The following ROBO1 variants were observed in gnomAD, a reference collection of about 807,000 sequenced individuals.
ROBO1 encodes roundabout homolog 1.
A neutral mutation model predicts 195.9 loss-of-function variants in ROBO1; 149 were observed. The ratio of observed to expected loss-of-function variants is 0.76; its 90% confidence interval spans 0.67 to 0.87. ROBO1 has a LOEUF of 0.87. Among genes scored for constraint, ROBO1 ranks in the 40% least tolerant of loss-of-function variants. The pLI is 0.00. For synonymous variants in ROBO1, 816 were observed against 733.2 expected (o/e 1.11, Z -1.82); for missense variants, 1,933 against 2,068.3 (o/e 0.93, Z 1.27).
intron 2 of ROBO1, among the ~76,000 whole-genome samples, chr3:79,350,631 C>A (rs184701497): frequency 3.9e-4 from 60 of 152,256 alleles, no homozygotes; most frequent in Middle Eastern, 3.4e-3. Flanking sequence ...AGGATGGCTA[C>A]ATGCTACAAC....
chr3:78,608,258 A>T (rs1026607687), intron 28 of ROBO1, among the ~76,000 whole-genome samples: 7 of 151,018 alleles, frequency 4.6e-5, no homozygotes, highest in Non-Finnish European at 1.0e-4. Flanking sequence ...ACTACATGCC[A>T]CCACACCCGA....
intron 2 of ROBO1, among the ~76,000 whole-genome samples, chr3:79,301,484 T>C (rs934788373): frequency 6.6e-6 from 1 of 152,254 alleles, no homozygotes; most frequent in Non-Finnish European, 1.5e-5. Context: ...CCCTTATTTG[T>C]AACAATTTGA....
At chr3:78,858,206 C>A (rs2034570218) in intron 4 of ROBO1, among the ~76,000 whole-genome samples, 2 of 152,094 alleles carry the variant, frequency 1.3e-5, no homozygotes, top group Non-Finnish European at 2.9e-5. Flanking sequence ...CAACCGGGGA[C>A]AGTCATTCCC....
intron 1 of ROBO1, among the ~76,000 whole-genome samples, chr3:79,596,315 A>T (rs1560024256): frequency 6.6e-6 from 1 of 152,076 alleles, no homozygotes; most frequent in African/African-American, 2.4e-5. Context: ...AGAAGAGTAA[A>T]TAATTTATTA....
At chr3:78,851,238 G>C (rs1183511948) in intron 4 of ROBO1, among the ~76,000 whole-genome samples, 1 of 152,134 alleles carries the variant, frequency 6.6e-6, no homozygotes, top group Non-Finnish European at 1.5e-5. Flanking sequence ...TCTGTCTCTG[G>C]AAAGTCCTTT....
At chr3:78,887,938 A>T (rs1028401299) in intron 4 of ROBO1, among the ~76,000 whole-genome samples, 1 of 152,014 alleles carries the variant, frequency 6.6e-6, no homozygotes, top group Non-Finnish European at 1.5e-5. Context: ...ACAAGAACAC[A>T]CCCTCAAAAA....
At chr3:79,628,796 T>A (rs899677894) in intron 1 of ROBO1, among the ~76,000 whole-genome samples, 3 of 151,800 alleles carry the variant, frequency 2.0e-5, no homozygotes, top group Admixed American at 2.0e-4. Flanking sequence ...AAGCAAAGGG[T>A]TTGGAAAGAG....
intron 8 of ROBO1, among the ~76,000 whole-genome samples, chr3:78,711,317 C>T (rs548338293): frequency 6.5e-4 from 88 of 136,074 alleles, no homozygotes; most frequent in African/African-American, 1.8e-3. Context: ...CTTTCTTTCT[C>T]TCTCTCTCTC....
rs146526032 is a variant in ROBO1, at chr3:79,009,678, T to A, written c.173-70751A>T. The stretch of plus-strand genomic sequence containing the variant: ...CATTGGCAGGAATTATGTGAACCAA[T>A]GCTAAAGTCTTTCTTTGTTTTCCAT... On this transcript the variant is annotated intron_variant, in intron 3 of 30. Transcript: ENST00000464233. Among the ~76,000 whole-genome samples, 574 of 152,342 alleles carry A rather than the reference T, an allele frequency of 3.8e-3. 8 individuals are homozygous for A. The highest frequency in any genetic ancestry group is 0.013 in the African/African-American group (535 of 41,578).
chr3:79,348,661 C>A (rs2035225839), intron 2 of ROBO1, among the ~76,000 whole-genome samples: 1 of 152,164 alleles, frequency 6.6e-6, no homozygotes, highest in South Asian at 2.1e-4. Flanking sequence ...CCAATGACAA[C>A]AATCACAGGA....
intron 3 of ROBO1, among the ~76,000 whole-genome samples, chr3:79,050,867 C>T (rs1216242353): frequency 5.9e-5 from 9 of 152,220 alleles, no homozygotes; most frequent in African/African-American, 1.9e-4. Context: ...CCAGTGAGAA[C>T]AAAGACACAA....
intron 3 of ROBO1, among the ~76,000 whole-genome samples, chr3:79,039,144 G>A (rs773267835): frequency 6.6e-6 from 1 of 152,158 alleles, no homozygotes; most frequent in Non-Finnish European, 1.5e-5. Context: ...ATATCTTTCG[G>A]TAAAGTTAAG....
chr3:78,749,056 AATGTAAC>A (rs1448270033), intron 4 of ROBO1, among the ~76,000 whole-genome samples: 1 of 152,198 alleles, frequency 6.6e-6, no homozygotes, highest in African/African-American at 2.4e-5. Flanking sequence ...AGGTGTTAAG[AATGTAAC>A]ACAAATAAAA....
intron 2 of ROBO1, among the ~76,000 whole-genome samples, chr3:79,449,574 C>T (rs2039378586): frequency 6.6e-6 from 1 of 152,056 alleles, no homozygotes; most frequent in African/African-American, 2.4e-5. Flanking sequence ...TAATGACAAA[C>T]AGAAATCTTC....
intron 1 of ROBO1, among the ~76,000 whole-genome samples, chr3:79,626,673 T>G (rs894317405): frequency 6.6e-6 from 1 of 151,978 alleles, no homozygotes; most frequent in Non-Finnish European, 1.5e-5. Flanking sequence ...GAGAAAGAAA[T>G]AAAGGATATT....
intron 2 of ROBO1, among the ~76,000 whole-genome samples, chr3:79,318,260 C>T (rs1207460170): frequency 2.0e-5 from 3 of 152,188 alleles, no homozygotes; most frequent in Non-Finnish European, 1.5e-5. Context: ...TATCTGGGCT[C>T]CCTATGGTTC....
At chr3:79,547,487 T>C (rs1253559267) in intron 2 of ROBO1, among the ~76,000 whole-genome samples, 1 of 152,142 alleles carries the variant, frequency 6.6e-6, no homozygotes, top group African/African-American at 2.4e-5. Context: ...AACTTCTAGA[T>C]GTTGAAAATA....
In ROBO1 at chr3:79,087,872, C is replaced by T. The variant is rs2079402554; in HGVS notation, c.172+37584G>A. On this transcript the variant is annotated intron_variant, in intron 3 of 30. Transcript: ENST00000464233. ...CTGTTTATCAAGTGCTGATATACTG[C>T]TGAAACACGTCTTTCTAAAGACTTG... is the stretch of plus-strand genomic sequence containing the variant. 1.3e-5 allele frequency among the ~76,000 whole-genome samples: 2 copies of T among 152,070 alleles called. 1 individual carries two copies. The highest frequency in any genetic ancestry group is 4.1e-4 in the South Asian group (2 of 4,828).
At chr3:78,904,215 T>C (rs1427556215) in intron 4 of ROBO1, among the ~76,000 whole-genome samples, 2 of 152,060 alleles carry the variant, frequency 1.3e-5, no homozygotes, top group Non-Finnish European at 2.9e-5. Flanking sequence ...CTTATTTGTA[T>C]GTGTGTCTGT....
Sources: allele counts gnomAD v4.1 joint callset (sites outside exome capture counted in the v4.1 genomes callset), GRCh38; gene constraint gnomAD v4.1.1; transcripts MANE v1.5; gene names NCBI Gene and HGNC (gene_info 2026-07-23, HGNC 2026-07-21).